Variants in ARHGAP31 observed in about 807,000 individuals in gnomAD.
ARHGAP31 encodes Rho GTPase activating protein 31.
Under a neutral mutation model 113.9 loss-of-function variants are expected in ARHGAP31, and 34 were observed. That is an observed-to-expected ratio of 0.30 (90% CI 0.23 to 0.40). ARHGAP31 has a LOEUF of 0.40. Among genes scored for constraint, ARHGAP31 ranks in the 10% least tolerant of loss-of-function variants. The pLI, the probability that ARHGAP31 is intolerant of heterozygous loss-of-function variation, is 1.00. For synonymous variants in ARHGAP31, 650 were observed against 684.8 expected, an observed-to-expected ratio of 0.95 and a Z score of 0.79; for missense variants, 1,548 against 1,767.1, an observed-to-expected ratio of 0.88 and a Z score of 2.22.
intron 1 of ARHGAP31, among the ~76,000 whole-genome samples, chr3:119,322,992 C>A (rs2079806130): frequency 6.6e-6 from 1 of 152,244 alleles, no homozygotes; most frequent in African/African-American, 2.4e-5. Flanking sequence ...TGCCCCGCCC[C>A]GGGGTCCGGG....
rs13319956 is a variant in ARHGAP31 at position 119,394,912 on chromosome 3, T to G, written c.1006+1321T>G. 9.8e-3 allele frequency among the ~76,000 whole-genome samples: 1,487 copies of G among 152,322 alleles called. 21 individuals carry two copies. Among genetic ancestry groups the G allele is most frequent in the African/African-American group, 0.034 (1,429 of 41,572 alleles). ...AATTTTCATAGTATGCTAATGGTTCTTAGGAGACATATACTAAAACTAAAG... is the reference window on the plus strand; with the variant it reads ...AATTTTCATAGTATGCTAATGGTTCGTAGGAGACATATACTAAAACTAAAG... On this transcript the variant is annotated intron_variant, in intron 8 of 11. Coordinates refer to ENST00000264245, the MANE Select transcript of ARHGAP31 (RefSeq NM_020754.4).
intron 1 of ARHGAP31, among the ~76,000 whole-genome samples, chr3:119,347,379 CAATT>C (rs1450747744): frequency 5.3e-5 from 8 of 152,200 alleles, no homozygotes; most frequent in Admixed American, 2.0e-4. Context: ...CAAAACAACT[CAATT>C]AAGTATTAAT....
At chr3:119,409,468 T>C (rs1422001398) in intron 10 of ARHGAP31, 28 bp from the exon 11 acceptor site, 1 of 1,613,714 alleles carries the variant, frequency 6.2e-7, no homozygotes, top group Admixed American at 1.7e-5. Flanking sequence ...AAGTCTCCTT[T>C]AACTGATAAC....
intron 3 of ARHGAP31, 103 bp downstream of exon 3, chr3:119,368,619 G>GACAT: frequency 7.0e-7 from 1 of 1,429,138 alleles, no homozygotes; most frequent in Non-Finnish European, 9.7e-7. Flanking sequence ...CCAGATGGTT[G>GACAT]ACATTATCTT....
At chr3:119,412,507 G>A (rs1248455646) in intron 11 of ARHGAP31, among the ~76,000 whole-genome samples, 4 of 151,860 alleles carry the variant, frequency 2.6e-5, no homozygotes, top group Admixed American at 6.6e-5. Context: ...GGAAAGGGAG[G>A]AGTCTAGAAG....
intron 1 of ARHGAP31, among the ~76,000 whole-genome samples, chr3:119,326,877 C>G (rs954698563): frequency 6.6e-6 from 1 of 152,182 alleles, no homozygotes; most frequent in Non-Finnish European, 1.5e-5. Context: ...TTGGCTCGCA[C>G]CTGTAATCCT....
Position 119,414,754 on chromosome 3 carries a change from G to A in ARHGAP31, c.2825G>A (p.Arg942Lys). 6.2e-7 allele frequency: 1 copy of A among 1,614,214 alleles called. No homozygotes were observed. Among genetic ancestry groups the A allele is most frequent in the Non-Finnish European group, 8.5e-7 (1 of 1,180,022 alleles). The change falls in exon 12 of 12, where the codon AGG (arginine) becomes AAG (lysine). Residue 942 changes from arginine to lysine, a missense_variant. By Grantham distance (26) the Arg-to-Lys change is conservative. Coordinates refer to ENST00000264245, the MANE Select transcript of ARHGAP31 (RefSeq NM_020754.4). Reference sequence around the variant, plus strand: ...CTTCAGGGTCACCAGTTGGAGAAGAGGCTTTCCCACAGGCCCAGCCTTCGC... The same window carrying A: ...CTTCAGGGTCACCAGTTGGAGAAGAAGCTTTCCCACAGGCCCAGCCTTCGC... ...QGLQGHQLEK[R>K]LSHRPSLRQS... is the part of the protein sequence containing the mutation.
At chr3:119,373,398 TATC>T (rs1343020867) in intron 3 of ARHGAP31, among the ~76,000 whole-genome samples, 1 of 152,086 alleles carries the variant, frequency 6.6e-6, no homozygotes, top group Non-Finnish European at 1.5e-5. Context: ...TTTTTAATGT[TATC>T]ATTTCACACT....
At chr3:119,310,541 C>G (rs889030404) in intron 1 of ARHGAP31, among the ~76,000 whole-genome samples, 1 of 152,318 alleles carries the variant, frequency 6.6e-6, no homozygotes. Flanking sequence ...CCTGTCAGAT[C>G]AGCAGCATTT....
intron 1 of ARHGAP31, among the ~76,000 whole-genome samples, chr3:119,310,520 G>A (rs2107597194): frequency 6.6e-6 from 1 of 152,214 alleles, no homozygotes; most frequent in East Asian, 1.9e-4. Context: ...ATTACTGCCT[G>A]AGCTCTGCTT....
chr3:119,402,126 C>A lies in ARHGAP31; in HGVS notation c.1374C>A (p.Asn458Lys), dbSNP rs1330888590. Residue 458 changes from asparagine (N) to lysine (K), a missense_variant, in exon 10 of 12, where the codon AAC (asparagine) becomes AAA (lysine). Physicochemically the swap from Asn to Lys is moderately conservative, Grantham distance 94. Transcript: ENST00000264245. Reference sequence around the variant, plus strand: ...TGTTGGGTATGTTCTACACTTCGAACGACAGCCCTAGCAAATCCGTCTTCA... The same window carrying A: ...TGTTGGGTATGTTCTACACTTCGAAAGACAGCCCTAGCAAATCCGTCTTCA... ...PKMLGMFYTS[N>K]DSPSKSVFTS... The A allele has an allele frequency of 1.2e-6, 2 of 1,614,242 alleles. No homozygotes were observed. The highest frequency in any genetic ancestry group is 1.7e-6 in the Non-Finnish European group (2 of 1,180,044).
chr3:119,388,304 ATTTT>A (rs930147729), intron 6 of ARHGAP31, among the ~76,000 whole-genome samples: 1 of 107,050 alleles, frequency 9.3e-6, no homozygotes, highest in Non-Finnish European at 2.0e-5. Context: ...TATATGTATA[ATTTT>A]TATATATATA....
rs1156665351 is a variant in ARHGAP31, at chr3:119,294,846, C to T, written c.-59C>T. 4 of 1,505,094 alleles carry T rather than the reference C, an allele frequency of 2.7e-6. No homozygotes were observed. The African/African-American group carries it at 4.1e-5, about 16-fold the overall frequency. 93.2% of individuals were successfully genotyped at this position (1,505,094 alleles called of 1,614,324 possible). A position where few individuals can be genotyped will look rare whatever the true frequency, so the allele number is the denominator to read the frequency against. Reference sequence around the variant, plus strand: ...TGATCTAGCCCGGGAGCCCATCTTACAGCGGTGCCAAGCAGAGGGGCGGCA... The same window carrying T: ...TGATCTAGCCCGGGAGCCCATCTTATAGCGGTGCCAAGCAGAGGGGCGGCA... On this transcript the variant is annotated 5_prime_UTR_variant, in exon 1 of 12. Coordinates refer to ENST00000264245, the MANE Select transcript of ARHGAP31 (RefSeq NM_020754.4).
At chr3:119,332,182 A>G (rs1459350987) in intron 1 of ARHGAP31, among the ~76,000 whole-genome samples, 1 of 151,470 alleles carries the variant, frequency 6.6e-6, no homozygotes, top group African/African-American at 2.4e-5. Context: ...GATTCCCTTT[A>G]TCTTCCTCTG....
chr3:119,300,794 T>TCCAGC (rs2079575319), intron 1 of ARHGAP31, among the ~76,000 whole-genome samples: 1 of 143,808 alleles, frequency 7.0e-6, no homozygotes, highest in Non-Finnish European at 1.5e-5. Flanking sequence ...ACCACTGCAC[T>TCCAGC]CCAGCCTGGG....
Position 119,415,335 on chromosome 3 carries a change from G to A in ARHGAP31, c.3406G>A (p.Glu1136Lys). Residue 1136 changes from glutamate to lysine, a missense_variant, in exon 12 of 12, where the codon GAG becomes AAG. By Grantham distance (56) the Glu-to-Lys change is moderately conservative (BLOSUM62 1). Coordinates refer to ENST00000264245, the MANE Select transcript of ARHGAP31 (RefSeq NM_020754.4). The stretch of plus-strand genomic sequence containing the variant: ...TAGTTCACCTGGAATGCAGGTCTCT[G>A]AGCCAGGAGACCCAAAGGTCACATG... ...SFSSPGMQVS[E>K]PGDPKVTWMT... 1 of 1,614,114 alleles carries A rather than the reference G, an allele frequency of 6.2e-7. No homozygotes were observed. The highest frequency in any genetic ancestry group is 8.5e-7 in the Non-Finnish European group (1 of 1,180,016).
At chr3:119,315,686 T>C (rs1452446272) in intron 1 of ARHGAP31, among the ~76,000 whole-genome samples, 2 of 152,204 alleles carry the variant, frequency 1.3e-5, no homozygotes, top group African/African-American at 4.8e-5. Flanking sequence ...CTCACATCTC[T>C]GATGTGGAGA....
At chr3:119,317,404 T>G (rs914375221) in intron 1 of ARHGAP31, among the ~76,000 whole-genome samples, 1 of 152,198 alleles carries the variant, frequency 6.6e-6, no homozygotes, top group Non-Finnish European at 1.5e-5. Flanking sequence ...GGTCTCGATC[T>G]CCTGACCTCA....
chr3:119,329,502 G>A (rs1260393450), intron 1 of ARHGAP31, among the ~76,000 whole-genome samples: 1 of 152,222 alleles, frequency 6.6e-6, no homozygotes, highest in Middle Eastern at 3.2e-3. Context: ...ATACCTGGCT[G>A]GGATCCTTTC....
Sources: allele counts gnomAD v4.1 joint callset (sites outside exome capture counted in the v4.1 genomes callset), GRCh38; gene constraint gnomAD v4.1.1; transcripts MANE v1.5; gene names NCBI Gene and HGNC (gene_info 2026-07-23, HGNC 2026-07-21).